URI1: variants seen among roughly 807,000 people sequenced by gnomAD.
URI1 encodes the protein URI1 prefoldin like chaperone.
A neutral mutation model predicts 60.2 loss-of-function variants in URI1; 39 were observed. That is an observed-to-expected ratio of 0.65 (90% CI 0.50 to 0.85). The LOEUF is 0.85. URI1 is among the 40% of genes least tolerant of loss of function. URI1 has a pLI of 0.00. For missense variants in URI1, 691 were observed against 665.9 expected, an observed-to-expected ratio of 1.04 and a Z score of -0.42; for synonymous variants, 251 against 236.8, an observed-to-expected ratio of 1.06 and a Z score of -0.55.
At chr19:29,970,955 A>G (rs2055452247) in intron 1 of URI1, 2 of 513,676 alleles carry the variant, frequency 3.9e-6, no homozygotes, top group Admixed American at 3.4e-5. Context: ...TTTTGTACCA[A>G]AGTATGAATC....
At chr19:29,949,297 C>A (rs1328300883) in intron 1 of URI1, among the ~76,000 whole-genome samples, 1 of 150,954 alleles carries the variant, frequency 6.6e-6, no homozygotes, top group Non-Finnish European at 1.5e-5. Context: ...AGAGGCGCTC[C>A]CCACATCCCA....
intron 4 of URI1, among the ~76,000 whole-genome samples, chr19:29,996,346 T>C (rs2055811839): frequency 6.6e-6 from 1 of 152,188 alleles, no homozygotes; most frequent in Non-Finnish European, 1.5e-5. Flanking sequence ...TGGTTCTAGT[T>C]TAAATGAATT....
chr19:29,962,551 T>C (rs2055339980), intron 1 of URI1, among the ~76,000 whole-genome samples: 1 of 151,662 alleles, frequency 6.6e-6, no homozygotes, highest in Non-Finnish European at 1.5e-5. Flanking sequence ...ACCACAACAC[T>C]GTATTTAATT....
Position 29,992,875 on chromosome 19 carries a change from G to C in URI1, c.367+6458G>C, listed in dbSNP as rs548273710. Among the ~76,000 whole-genome samples the C allele has an allele frequency of 2.2e-4, 34 of 152,262 alleles. No individual in the cohort carries two copies. The South Asian group carries it at 6.6e-3, about 30-fold the overall frequency. The stretch of plus-strand genomic sequence containing the variant: ...GTATATAGAATGACTTGAAATTCTA[G>C]TATCTAGGCACCATGTCTTAGAATT... On this transcript the variant is annotated intron_variant, in intron 4 of 10. Coordinates refer to ENST00000392271, the MANE Select transcript of URI1 (RefSeq NM_003796.3).
At chr19:29,981,942 T>A (rs2055603546) in intron 2 of URI1, among the ~76,000 whole-genome samples, 2 of 152,232 alleles carry the variant, frequency 1.3e-5, no homozygotes. Context: ...AATGCATTAG[T>A]TCTTAGCATA....
At chr19:30,000,902 G>A (rs1478330274) in intron 4 of URI1, among the ~76,000 whole-genome samples, 1 of 151,758 alleles carries the variant, frequency 6.6e-6, no homozygotes, top group African/African-American at 2.4e-5. Flanking sequence ...AATTTTTGAA[G>A]TGATTTCTTC....
chr19:29,949,092 G>A (rs2055141756), intron 1 of URI1, among the ~76,000 whole-genome samples: 1 of 151,420 alleles, frequency 6.6e-6, no homozygotes, highest in Non-Finnish European at 1.5e-5. Context: ...GCCGGGCGGA[G>A]ACGCTCCTCA....
At chr19:30,001,789 TTGTC>T (rs1291201738) in intron 4 of URI1, among the ~76,000 whole-genome samples, 2 of 152,016 alleles carry the variant, frequency 1.3e-5, no homozygotes, top group African/African-American at 4.8e-5. Context: ...TTGACATTTC[TTGTC>T]TATTTTCTCT....
chr19:29,982,265 C>T lies in URI1; in HGVS notation c.153-2958C>T, dbSNP rs142536538. ...ATCTTAAACTGCTCTCCAGTATGTC[C>T]GCATTTTTATTCCAGAGAGAATTAT... On this transcript the variant is annotated intron_variant, in intron 2 of 10. Transcript: ENST00000392271. Among the ~76,000 whole-genome samples the T allele has an allele frequency of 3.8e-3, 577 of 152,180 alleles. 7 individuals are homozygous for T. Among genetic ancestry groups the T allele is most frequent in the African/African-American group, 0.012 (518 of 41,506 alleles).
intron 2 of URI1, among the ~76,000 whole-genome samples, chr19:29,977,298 A>G (rs774711880): frequency 1.3e-5 from 2 of 152,160 alleles, no homozygotes; most frequent in African/African-American, 4.8e-5. Flanking sequence ...CATGGTTTAC[A>G]GTATATTTCA....
At chr19:29,958,039 C>G (rs1170901851) in intron 1 of URI1, 1 of 152,112 alleles carries the variant, frequency 6.6e-6, no homozygotes, top group Non-Finnish European at 1.5e-5. Context: ...ATCCACCCGC[C>G]TCTGCTTCCC....
chr19:29,949,943 G>T (rs147621067), intron 1 of URI1, among the ~76,000 whole-genome samples: 1 of 151,252 alleles, frequency 6.6e-6, no homozygotes, highest in South Asian at 2.1e-4. Context: ...GGAGGGGGAG[G>T]GGGAGGGAGA....
At chr19:29,967,947 T>C (rs973343584) in intron 1 of URI1, among the ~76,000 whole-genome samples, 3 of 152,250 alleles carry the variant, frequency 2.0e-5, no homozygotes, top group African/African-American at 7.2e-5. Flanking sequence ...CATATACTCC[T>C]GTTGTTATTG....
At chr19:29,933,677 C>T (rs2054942076) in intron 1 of URI1, among the ~76,000 whole-genome samples, 1 of 151,594 alleles carries the variant, frequency 6.6e-6, no homozygotes, top group South Asian at 2.1e-4. Flanking sequence ...AAAAAATTAG[C>T]CAGGCATGAT....
At chr19:29,985,760 C>A (rs546902690) in intron 3 of URI1, among the ~76,000 whole-genome samples, 97 of 152,194 alleles carry the variant, frequency 6.4e-4, no homozygotes, top group African/African-American at 2.3e-3. Context: ...TGGATTAGAG[C>A]CTTTCATTGC....
At chr19:29,924,421 G>C (rs1010975516) in intron 1 of URI1, among the ~76,000 whole-genome samples, 1 of 152,140 alleles carries the variant, frequency 6.6e-6, no homozygotes, top group Non-Finnish European at 1.5e-5. Flanking sequence ...ATTGTTGCTC[G>C]GTGTACTGGC....
chr19:29,931,089 G>A (rs911787300), intron 1 of URI1, among the ~76,000 whole-genome samples: 10 of 151,872 alleles, frequency 6.6e-5, no homozygotes, highest in African/African-American at 1.4e-4. Context: ...CTTCTTTTTC[G>A]GTTATTTTGG....
chr19:29,980,264 C>G (rs1378736403), intron 2 of URI1: 1 of 151,894 alleles, frequency 6.6e-6, no homozygotes, highest in Non-Finnish European at 1.5e-5. Flanking sequence ...AGTGATGATC[C>G]CTGCAGCATA....
chr19:30,011,170 A>G lies in URI1; in HGVS notation c.1112A>G (p.Asn371Ser). 2 of 1,612,912 alleles carry G rather than the reference A, an allele frequency of 1.2e-6. No homozygotes were observed. Among genetic ancestry groups the G allele is most frequent in the Non-Finnish European group, 1.7e-6 (2 of 1,179,602 alleles). ...GAAGAAGCCAAACGTAAACGAAAGA[A>G]CAGCACTGGCAGTGGCCACTCTGCC... The part of the protein sequence containing the change: ...KKEEAKRKRK[N>S]STGSGHSAQE... Residue 371 changes from asparagine to serine, a missense_variant, in exon 9 of 11, where the codon AAC (asparagine) becomes AGC (serine). By Grantham distance (46) the Asn-to-Ser change is conservative. Transcript: ENST00000392271.
Sources: allele counts gnomAD v4.1 joint callset (sites outside exome capture counted in the v4.1 genomes callset), GRCh38; gene constraint gnomAD v4.1.1; transcripts MANE v1.5; gene names NCBI Gene and HGNC (gene_info 2026-07-23, HGNC 2026-07-21).